MSR1: variants seen among roughly 807,000 people sequenced by gnomAD.
MSR1 encodes the protein macrophage scavenger receptor types I and II.
MSR1 carries 53 observed loss-of-function variants against 47.2 expected under a neutral mutation model. The ratio of observed to expected loss-of-function variants is 1.12; its 90% CI spans 0.90 to 1.41. The LOEUF (loss-of-function observed/expected upper bound fraction) is 1.41. Ranked by LOEUF, MSR1 falls within the 40% of genes most tolerant of loss-of-function variation. The probability of loss-of-function intolerance (pLI) is 0.00; values close to 1 mark genes in which losing one functional copy is unlikely to be tolerated. For synonymous variants in MSR1, 239 were observed against 185.6 expected (o/e 1.29, Z -2.34); for missense variants, 786 against 546.9 (o/e 1.44, Z -4.36).
chr8:16,108,775 G>A lies in MSR1; in HGVS notation c.*1310C>T, dbSNP rs1799690315. 6.6e-6 allele frequency: 1 copy of A among 152,072 alleles called. No homozygotes were observed. Among genetic ancestry groups the A allele is most frequent in the South Asian group, 2.1e-4 (1 of 4,814 alleles). 9.4% of individuals were successfully genotyped at this position (152,072 alleles called of 1,614,324 possible). A position where few individuals can be genotyped will look rare whatever the true frequency, so the allele number is the denominator to read the frequency against. Reference sequence around the variant, plus strand: ...AGGTTTTGCCTTTTTAAGTTGGACGGCTGTGAGTCTACCACTTGGTTATTA... The same window carrying A: ...AGGTTTTGCCTTTTTAAGTTGGACGACTGTGAGTCTACCACTTGGTTATTA... On this transcript the variant is annotated 3_prime_UTR_variant, in exon 10 of 10. Coordinates refer to ENST00000262101, the MANE Select transcript of MSR1 (RefSeq NM_138715.3).
At chr8:16,163,224 CAT>C (rs1296056834) in intron 5 of MSR1, among the ~76,000 whole-genome samples, 1 of 151,640 alleles carries the variant, frequency 6.6e-6, no homozygotes, top group Non-Finnish European at 1.5e-5. Context: ...GCAAAAGAAA[CAT>C]AAAATAAACT....
chr8:16,167,962 G>A (rs183091652), intron 4 of MSR1, among the ~76,000 whole-genome samples: 3 of 152,236 alleles, frequency 2.0e-5, no homozygotes, highest in Non-Finnish European at 4.4e-5. Flanking sequence ...ATGTTGGGAT[G>A]AGGTTCACCA....
chr8:16,135,513 C>CAAGA (rs1227948516), intron 8 of MSR1, among the ~76,000 whole-genome samples: 1 of 152,098 alleles, frequency 6.6e-6, no homozygotes, highest in Non-Finnish European at 1.5e-5. Context: ...CCTGGTCACC[C>CAAGA]AAGAGCTCTG....
intron 2 of MSR1, among the ~76,000 whole-genome samples, chr8:16,177,570 T>C (rs1029951045): frequency 6.6e-6 from 1 of 151,952 alleles, no homozygotes; most frequent in African/African-American, 2.4e-5. Context: ...TCTAGAAAAC[T>C]AATACAGGCA....
At chr8:16,135,673 T>G (rs550915477) in intron 8 of MSR1, among the ~76,000 whole-genome samples, 1 of 152,310 alleles carries the variant, frequency 6.6e-6, no homozygotes, top group East Asian at 1.9e-4. Context: ...CAGAGAGTGA[T>G]TCCTCTGATG....
At chr8:16,116,574 T>C (rs545008220) in intron 9 of MSR1, among the ~76,000 whole-genome samples, 10 of 152,272 alleles carry the variant, frequency 6.6e-5, no homozygotes, top group African/African-American at 1.9e-4. Flanking sequence ...AACTCTGTCA[T>C]TCTATTCCTT....
intron 8 of MSR1, among the ~76,000 whole-genome samples, chr8:16,127,510 G>T (rs1800156346): frequency 6.6e-6 from 1 of 152,024 alleles, no homozygotes; most frequent in Non-Finnish European, 1.5e-5. Context: ...TATCTTTTCG[G>T]GTTAGGCAAT....
chr8:16,191,700 A>G (rs567262984), intron 1 of MSR1, among the ~76,000 whole-genome samples: 2 of 152,272 alleles, frequency 1.3e-5, no homozygotes, highest in East Asian at 3.9e-4. Context: ...CCAGAAGATT[A>G]GCTCTTACCC....
chr8:16,191,187 C>A (rs1802190325), intron 1 of MSR1, among the ~76,000 whole-genome samples: 1 of 152,088 alleles, frequency 6.6e-6, no homozygotes, highest in Non-Finnish European at 1.5e-5. Context: ...CAGCTTTATG[C>A]TTAAGGAACC....
rs1231736426 is a variant in MSR1, at chr8:16,108,253, T to C, written c.*1832A>G. The C allele has an allele frequency of 3.3e-5, 5 of 150,596 alleles. 1 individual carries two copies. The allele number at this position is 150,596 out of a possible 1,614,324, so 9.3% of individuals were successfully genotyped here. A position where few individuals can be genotyped will look rare whatever the true frequency, so the allele number is the denominator to read the frequency against. On this transcript the variant is annotated 3_prime_UTR_variant, in exon 10 of 10. Transcript: ENST00000262101. Reference sequence around the variant, plus strand: ...CTATTATTATTTTAAAGGTAAATTTTATTTTAAAATAAAAATAGTAATAGT... The same window carrying C: ...CTATTATTATTTTAAAGGTAAATTTCATTTTAAAATAAAAATAGTAATAGT...
At chr8:16,148,252 G>T (rs754530964) in intron 7 of MSR1, among the ~76,000 whole-genome samples, 1 of 151,908 alleles carries the variant, frequency 6.6e-6, no homozygotes, top group Non-Finnish European at 1.5e-5. Context: ...TCTGTATCCA[G>T]CTCCTTAAGA....
rs1402015730 is a variant in MSR1, at chr8:16,120,527, C to T, written c.1113G>A (p.Trp371Ter). ...CCCAGCGATCGTCACAAATTGTACCCCACTGGCCGCTGTGGAGTATCTCCA... is the reference window on the plus strand; with the variant it reads ...CCCAGCGATCGTCACAAATTGTACCTCACTGGCCGCTGTGGAGTATCTCCA... The part of the protein sequence containing the change: ...GRVEILHSGQ[W>*]GTICDDRWEV... Residue 371 changes from tryptophan (W) to a stop codon, truncating the protein, a stop_gained, in exon 9 of 10, where the codon TGG becomes TGA. Coordinates refer to ENST00000262101, the MANE Select transcript of MSR1 (RefSeq NM_138715.3). LOFTEE classifies it high-confidence loss of function. 1.2e-6 allele frequency: 2 copies of T among 1,613,346 alleles called. No homozygotes were observed. The highest frequency in any genetic ancestry group is 4.5e-5 in the East Asian group (2 of 44,824).
intron 5 of MSR1, among the ~76,000 whole-genome samples, chr8:16,157,418 T>C (rs1254291616): frequency 1.3e-5 from 2 of 152,054 alleles, no homozygotes; most frequent in East Asian, 1.9e-4. Flanking sequence ...TATATAAAAA[T>C]ACTGATACCT....
At chr8:16,110,780 C>T (rs1311303226) in intron 9 of MSR1, among the ~76,000 whole-genome samples, 4 of 152,000 alleles carry the variant, frequency 2.6e-5, no homozygotes, top group Non-Finnish European at 5.9e-5. Context: ...CAGCAAAGGG[C>T]CTACACACCA....
chr8:16,121,055 G>C (rs1799994367), intron 8 of MSR1: 1 of 356,826 alleles, frequency 2.8e-6, no homozygotes. Flanking sequence ...AGATATTTTA[G>C]AATATCATAA....
At chr8:16,127,211 T>C (rs1563142185) in intron 8 of MSR1, among the ~76,000 whole-genome samples, 1 of 152,186 alleles carries the variant, frequency 6.6e-6, no homozygotes, top group Non-Finnish European at 1.5e-5. Flanking sequence ...CTGTGTGTCA[T>C]GTCCAGGCAT....
chr8:16,116,337 A>G lies in MSR1; in HGVS notation c.1222+4081T>C, dbSNP rs559259656. On this transcript the variant is annotated intron_variant, in intron 9 of 9. Coordinates refer to ENST00000262101, the MANE Select transcript of MSR1 (RefSeq NM_138715.3). The stretch of plus-strand genomic sequence containing the variant: ...TTAAACTTGCAATTTTTTAAGTTAG[A>G]AAACTCCTAATCTTTCCAGTTTGCT... 5.3e-5 allele frequency among the ~76,000 whole-genome samples: 8 copies of G among 152,340 alleles called. No individual in the cohort carries two copies. The South Asian group carries it at 1.7e-3, about 32-fold the overall frequency.
At chr8:16,158,875 T>C (rs969316533) in intron 5 of MSR1, among the ~76,000 whole-genome samples, 1 of 151,780 alleles carries the variant, frequency 6.6e-6, no homozygotes, top group Admixed American at 6.6e-5. Flanking sequence ...CAGCTGAATT[T>C]TTCCTTTACA....
chr8:16,130,622 C>A (rs1018054327), intron 8 of MSR1, among the ~76,000 whole-genome samples: 1 of 152,024 alleles, frequency 6.6e-6, no homozygotes, highest in East Asian at 1.9e-4. Flanking sequence ...TTTCGATCCT[C>A]ACCCTCCTCC....
Sources: gnomAD v4.1 joint callset for allele counts (sites outside exome capture counted in the v4.1 genomes callset) on GRCh38, gnomAD v4.1.1 for gene constraint, MANE v1.5 for transcripts, NCBI Gene and HGNC (gene_info 2026-07-23, HGNC 2026-07-21) for gene names.